The following TTC27 variants were observed in gnomAD, a reference collection of about 807,000 sequenced individuals.
The protein encoded by TTC27 is tetratricopeptide repeat protein 27.
In TTC27, 79 loss-of-function variants were observed where a neutral mutation model predicts 115.9. The observed-to-expected ratio is 0.68, with a 90% CI of 0.57 to 0.82. TTC27 has a LOEUF of 0.82. Ranked by LOEUF, TTC27 falls within the 40% of genes least tolerant of loss-of-function variation. TTC27 has a pLI of 0.00. For missense variants in TTC27, 1,054 were observed against 993.1 expected, an observed-to-expected ratio of 1.06 and a Z score of -0.82; for synonymous variants, 401 against 356.0, an observed-to-expected ratio of 1.13 and a Z score of -1.42.
chr2:32,789,921 CAAAAAAAAAAAAA>C (rs34859954), intron 16 of TTC27, among the ~76,000 whole-genome samples: 2 of 25,938 alleles, frequency 7.7e-5, no homozygotes, highest in South Asian at 4.3e-3. Flanking sequence ...ACCCTGTCTC[CAAAAAAAAAAAAA>C]AAAAAAAAAA....
chr2:32,806,013 C>T (rs138524813), intron 16 of TTC27, among the ~76,000 whole-genome samples: 2 of 152,258 alleles, frequency 1.3e-5, no homozygotes, highest in East Asian at 3.9e-4. Context: ...ATAACAGAGG[C>T]CTTAGTCTTT....
intron 13 of TTC27, among the ~76,000 whole-genome samples, chr2:32,770,667 G>T (rs1344297681): frequency 1.3e-5 from 2 of 152,180 alleles, no homozygotes; most frequent in African/African-American, 4.8e-5. Context: ...CCTTTCCAAG[G>T]CCATTGCTAT....
intron 12 of TTC27, among the ~76,000 whole-genome samples, chr2:32,756,432 TTA>T (rs1423044790): frequency 1.3e-5 from 2 of 152,210 alleles, no homozygotes; most frequent in African/African-American, 2.4e-5. Flanking sequence ...TTCTAAAACT[TTA>T]TGTTTATTTT....
intron 12 of TTC27, among the ~76,000 whole-genome samples, chr2:32,751,984 G>A (rs560263944): frequency 6.6e-6 from 1 of 152,170 alleles, no homozygotes; most frequent in Non-Finnish European, 1.5e-5. Context: ...GTTTGGAACT[G>A]AAGTTTCAGG....
chr2:32,649,267 G>A (rs1260823969), intron 4 of TTC27, among the ~76,000 whole-genome samples: 9 of 152,174 alleles, frequency 5.9e-5, no homozygotes, highest in Non-Finnish European at 1.5e-5. Context: ...ATTTCTTACT[G>A]TGTAGATTAT....
intron 10 of TTC27, among the ~76,000 whole-genome samples, chr2:32,711,980 G>A (rs1667597164): frequency 2.0e-5 from 3 of 151,998 alleles, no homozygotes; most frequent in Non-Finnish European, 4.4e-5. Flanking sequence ...AGCTAGAAAG[G>A]ACCCCCTTAG....
At chr2:32,671,461 G>T (rs916145022) in intron 7 of TTC27, among the ~76,000 whole-genome samples, 3 of 152,018 alleles carry the variant, frequency 2.0e-5, no homozygotes, top group Non-Finnish European at 2.9e-5. Context: ...TTATTGAAAG[G>T]CTTTACCTGT....
rs373964985 is a variant in TTC27, at chr2:32,792,879, G to T, written c.1998+5730G>T. ...TTTGTGGAGATTCTTCTACATTTATGTTGGAATTGCCGCTCCTCTATGTGA... is the reference window on the plus strand; with the variant it reads ...TTTGTGGAGATTCTTCTACATTTATTTTGGAATTGCCGCTCCTCTATGTGA... On this transcript the variant is annotated intron_variant, in intron 16 of 19. Coordinates refer to ENST00000317907, the MANE Select transcript of TTC27 (RefSeq NM_017735.5). Among the ~76,000 whole-genome samples the T allele has an allele frequency of 2.0e-5, 3 of 152,338 alleles. No individual in the cohort carries two copies. The East Asian group carries it at 5.8e-4, about 29-fold the overall frequency.
chr2:32,807,447 G>A (rs1671168648), intron 16 of TTC27, among the ~76,000 whole-genome samples: 2 of 152,006 alleles, frequency 1.3e-5, no homozygotes, highest in South Asian at 4.1e-4. Flanking sequence ...AACAAAATGA[G>A]GCATTATTTG....
At chr2:32,738,603 AGCAC>A (rs1668523668) in intron 12 of TTC27, among the ~76,000 whole-genome samples, 1 of 152,244 alleles carries the variant, frequency 6.6e-6, no homozygotes, top group African/African-American at 2.4e-5. Flanking sequence ...ACAAGGTGTC[AGCAC>A]TACGTATGTT....
rs540041466 is a variant in TTC27, at chr2:32,775,357, C to T, written c.1681-2525C>T. Among the ~76,000 whole-genome samples, 7 of 152,160 alleles carry T rather than the reference C, an allele frequency of 4.6e-5. No individual in the cohort carries two copies. The South Asian group carries it at 1.5e-3, about 32-fold the overall frequency. ...GGACTACAGGCGCCCACCACCACGC[C>T]CGGCTAATTTTTTTGTATTTTTAGT... On this transcript the variant is annotated intron_variant, in intron 13 of 19. Transcript: ENST00000317907.
chr2:32,683,426 T>A (rs181922466), intron 9 of TTC27, among the ~76,000 whole-genome samples: 2 of 152,358 alleles, frequency 1.3e-5, no homozygotes, highest in Non-Finnish European at 2.9e-5. Context: ...CCGTTTTGAT[T>A]AACTGTCCCA....
chr2:32,777,965 G>C lies in TTC27; in HGVS notation c.1764G>C (p.Val588=). The C allele has an allele frequency of 6.2e-7, 1 of 1,614,020 alleles. No homozygotes were observed. The highest frequency in any genetic ancestry group is 8.5e-7 in the Non-Finnish European group (1 of 1,179,978). Residue 588 remains valine, a synonymous_variant, in exon 14 of 20, where the codon GTG becomes GTC. Coordinates refer to ENST00000317907, the MANE Select transcript of TTC27 (RefSeq NM_017735.5). ...CAGCAAAGGCATTTCAGCGCTGTGT[G>C]ACTCTAGAACCCGATGTAAGTTTGT... ...QGSAKAFQRC[V]TLEPDNAEAW...
chr2:32,764,796 C>T (rs1001988381), intron 13 of TTC27, among the ~76,000 whole-genome samples: 2 of 152,210 alleles, frequency 1.3e-5, no homozygotes, highest in African/African-American at 4.8e-5. Context: ...ATGTTTACAA[C>T]ATCTTCACGA....
At chr2:32,649,594 G>A (rs1189752765) in intron 4 of TTC27, among the ~76,000 whole-genome samples, 1 of 150,550 alleles carries the variant, frequency 6.6e-6, no homozygotes, top group African/African-American at 2.4e-5. Context: ...GCCCAGGCTA[G>A]AGTGCAATGG....
chr2:32,766,464 T>C, intron 13 of TTC27: 1 of 452,140 alleles, frequency 2.2e-6, no homozygotes. Flanking sequence ...TTGTTGTGTC[T>C]TAGGGAAGCG....
At chr2:32,683,658 A>G (rs1255396536) in intron 9 of TTC27, among the ~76,000 whole-genome samples, 1 of 152,218 alleles carries the variant, frequency 6.6e-6, no homozygotes, top group Admixed American at 6.5e-5. Context: ...AGGAAAGCTG[A>G]GTCAGAGTAA....
At chr2:32,664,835 CT>C (rs1233866120) in intron 6 of TTC27, among the ~76,000 whole-genome samples, 1,889 of 136,906 alleles carry the variant, frequency 0.014, 11 homozygotes, top group Middle Eastern at 0.034. Flanking sequence ...TTCCATCTTG[CT>C]TTTTTTTTTT....
At chr2:32,649,039 A>G (rs1262304798) in intron 4 of TTC27, among the ~76,000 whole-genome samples, 1 of 152,134 alleles carries the variant, frequency 6.6e-6, no homozygotes, top group African/African-American at 2.4e-5. Flanking sequence ...AATAAAAAAA[A>G]GCAGTTTCTG....
Sources: gnomAD v4.1 joint callset for allele counts (sites outside exome capture counted in the v4.1 genomes callset) on GRCh38, gnomAD v4.1.1 for gene constraint, MANE v1.5 for transcripts, NCBI Gene and HGNC (gene_info 2026-07-23, HGNC 2026-07-21) for gene names.